The following DPH2 variants were observed in gnomAD, a reference collection of about 807,000 sequenced individuals.
DPH2 encodes diphthamide biosynthesis 2.
A neutral mutation model predicts 42.5 loss-of-function variants in DPH2; 28 were observed. That is an observed-to-expected ratio of 0.66 (90% confidence interval 0.49 to 0.90). The LOEUF (loss-of-function observed/expected upper bound fraction) is 0.90, where lower values mean the gene tolerates loss of function less well. Ranked by LOEUF, DPH2 falls within the 40% of genes least tolerant of loss-of-function variation. The pLI, the probability that DPH2 is intolerant of heterozygous loss-of-function variation, is 0.00. For synonymous variants in DPH2, 279 were observed against 264.4 expected, an observed-to-expected ratio of 1.06 and a Z score of -0.53; for missense variants, 576 against 636.0, an observed-to-expected ratio of 0.91 and a Z score of 1.01.
intron 1 of DPH2, 38 bp from the exon 2 acceptor site, chr1:43,970,558 A>T (rs1450479555): frequency 6.2e-7 from 1 of 1,605,280 alleles, no homozygotes; most frequent in Admixed American, 1.7e-5. Flanking sequence ...CCTCAGTGGG[A>T]GAGAGGCTGT....
Position 43,972,444 on chromosome 1 carries a change from G to C in DPH2, c.1375G>C (p.Gly459Arg). 6.2e-7 allele frequency: 1 copy of C among 1,614,250 alleles called. No individual in the cohort carries two copies. The highest frequency in any genetic ancestry group is 8.5e-7 in the Non-Finnish European group (1 of 1,180,040). The change falls in exon 6 of 6, where the codon GGG (glycine) becomes CGG (arginine). Residue 459 changes from glycine (G) to arginine (R), a missense_variant. Coordinates refer to ENST00000255108, the MANE Select transcript of DPH2 (RefSeq NM_001384.5). Reference protein sequence around the residue: ...ASFLSSRSWQGLEPRLGQTPV... With the variant: ...ASFLSSRSWQRLEPRLGQTPV... Reference sequence around the variant, plus strand: ...ATTCCTTAGTTCCCGGAGCTGGCAAGGGCTGGAGCCCCGCCTGGGTCAGAC... The same window carrying C: ...ATTCCTTAGTTCCCGGAGCTGGCAACGGCTGGAGCCCCGCCTGGGTCAGAC...
In DPH2 at chr1:43,971,645, C is replaced by T; in HGVS notation, c.743C>T (p.Ser248Phe). The change falls in exon 4 of 6, where the codon TCC (serine) becomes TTC (phenylalanine). Residue 248 changes from serine (S) to phenylalanine (F), a missense_variant. Physicochemically the swap from Ser to Phe is radical, Grantham distance 155. Around this residue, in one of 3 missense-constraint regions of DPH2, gnomAD observed 395 missense variants for 435.2 expected, o/e 0.91. Coordinates refer to ENST00000255108, the MANE Select transcript of DPH2 (RefSeq NM_001384.5). ...GGGTGGGCACCAGGTCAACCCTTCTCCTCCTGCTGTCCAGATACAGGGAAG... is the reference window on the plus strand; with the variant it reads ...GGGTGGGCACCAGGTCAACCCTTCTTCTCCTGCTGTCCAGATACAGGGAAG... ...LLGWAPGQPF[S>F]SCCPDTGKTQ... 1 of 1,614,194 alleles carries T rather than the reference C, an allele frequency of 6.2e-7. No individual in the cohort carries two copies. Among genetic ancestry groups the T allele is most frequent in the Non-Finnish European group, 8.5e-7 (1 of 1,180,026 alleles).
chr1:43,972,168 C>G lies in DPH2; in HGVS notation c.1179C>G (p.Phe393Leu). The stretch of plus-strand genomic sequence containing the variant: ...CCTCCTCCCTTTCAGGCTCTCCCTT[C>G]CACGTGGCTCTCCCACCACCTGAGT... ...HYADLLPGSP[F>L]HVALPPPESE... The change falls in exon 5 of 6, where the codon TTC becomes TTG. Residue 393 changes from phenylalanine to leucine, a missense_variant. By Grantham distance (22) the Phe-to-Leu change is conservative. Coordinates refer to ENST00000255108, the MANE Select transcript of DPH2 (RefSeq NM_001384.5). 1 of 1,613,720 alleles carries G rather than the reference C, an allele frequency of 6.2e-7. No individual in the cohort carries two copies. The highest frequency in any genetic ancestry group is 8.5e-7 in the Non-Finnish European group (1 of 1,179,730).
At position 43,970,192 on chromosome 1, in the gene DPH2, G is replaced by A. The variant is rs1025031384; in HGVS notation, c.17G>A (p.Ser6Asn). MESMF[S>N]SPAEAALQRE... ...CTGTGCCTCATGGAGTCGATGTTTA[G>A]CAGCCCTGCCGAGGCGGCGCTGCAG... The change falls in exon 1 of 6, where the codon AGC becomes AAC. Residue 6 changes from serine to asparagine, a missense_variant. By Grantham distance (46) the Ser-to-Asn change is conservative. Around this residue, in one of 3 missense-constraint regions of DPH2, gnomAD observed 395 missense variants for 435.2 expected, o/e 0.91. Coordinates refer to ENST00000255108, the MANE Select transcript of DPH2 (RefSeq NM_001384.5). 1.9e-6 allele frequency: 3 copies of A among 1,614,094 alleles called. No homozygotes were observed. The highest frequency in any genetic ancestry group is 2.5e-6 in the Non-Finnish European group (3 of 1,180,004).
At position 43,972,184 on chromosome 1, in the gene DPH2, C is replaced by A; in HGVS notation, c.1195C>A (p.Pro399Thr). The change falls in exon 5 of 6, where the codon CCA (proline) becomes ACA (threonine). Residue 399 changes from proline to threonine, a missense_variant. Around this residue, in one of 3 missense-constraint regions of DPH2, gnomAD observed 178 missense variants for 184.4 expected, o/e 0.97. Coordinates refer to ENST00000255108, the MANE Select transcript of DPH2 (RefSeq NM_001384.5). ...CTCTCCCTTCCACGTGGCTCTCCCA[C>A]CACCTGAGTCAGAGCTGTGGGAAAC... Reference protein sequence around the residue: ...PGSPFHVALPPPESELWETPD... With the variant: ...PGSPFHVALPTPESELWETPD... 6.2e-7 allele frequency: 1 copy of A among 1,614,082 alleles called. No individual in the cohort carries two copies. Among genetic ancestry groups the A allele is most frequent in the Non-Finnish European group, 8.5e-7 (1 of 1,179,942 alleles).
Position 43,971,515 on chromosome 1 carries a change from C to T in DPH2, c.613C>T (p.Leu205Phe), listed in dbSNP as rs756694549. ...PLERFGRRFP[L>F]APGRRLEEYG... ...AGAGCGTTTTGGGCGCCGCTTCCCC[C>T]TTGCCCCAGGGAGGCGTCTAGAAGA... is the stretch of plus-strand genomic sequence containing the variant. Residue 205 changes from leucine to phenylalanine, a missense_variant, in exon 4 of 6, where the codon CTT (leucine) becomes TTT (phenylalanine). By Grantham distance (22) the Leu-to-Phe change is conservative. Coordinates refer to ENST00000255108, the MANE Select transcript of DPH2 (RefSeq NM_001384.5). The T allele has an allele frequency of 7.4e-6, 12 of 1,614,242 alleles. No individual in the cohort carries two copies. The highest frequency in any genetic ancestry group is 3.3e-4 in the Middle Eastern group (2 of 6,062).
rs373651545 is a variant in DPH2 at position 43,972,118 on chromosome 1, CAG to C, written c.1169-39_1169-38del. Reference sequence around the variant, plus strand: ...AAGCTGGAAACCTGGGGCACGGAGTCAGGGGGTGAGTATGGATTTTCTTTCCT... The same window carrying C: ...AAGCTGGAAACCTGGGGCACGGAGTCGGGGTGAGTATGGATTTTCTTTCCT... On this transcript the variant is annotated intron_variant, in intron 4 of 5. Transcript: ENST00000255108. 3.2e-4 allele frequency: 513 copies of C among 1,610,208 alleles called. 3 individuals are homozygous for C. In the African/African-American group the frequency reaches 4.9e-3, roughly 15 times the overall value.
Position 43,972,264 on chromosome 1 carries a change from A to C in DPH2, c.1275A>C (p.Ser425=), listed in dbSNP as rs1397765429. ...TCCGACCCCCACCTGCCTGGAAGTCATCAAATGATCATGGAAGCTTGGCTC... is the reference window on the plus strand; with the variant it reads ...TCCGACCCCCACCTGCCTGGAAGTCCTCAAATGATCATGGAAGCTTGGCTC... ...GDLRPPPAWK[S]SNDHGSLALT... is the part of the protein sequence containing the mutation. The change falls in exon 5 of 6, where the codon TCA becomes TCC. Residue 425 remains serine (S), a synonymous_variant. Transcript: ENST00000255108. 3 of 1,614,244 alleles carry C rather than the reference A, an allele frequency of 1.9e-6. No individual in the cohort carries two copies. Among genetic ancestry groups the C allele is most frequent in the Non-Finnish European group, 2.5e-6 (3 of 1,180,042 alleles).
chr1:43,971,933 G>C lies in DPH2; in HGVS notation c.1031G>C (p.Gly344Ala). The change falls in exon 4 of 6, where the codon GGT (glycine) becomes GCT (alanine). Residue 344 changes from glycine to alanine, a missense_variant. Coordinates refer to ENST00000255108, the MANE Select transcript of DPH2 (RefSeq NM_001384.5). ...DVFVLLACPLGALAPQLSGSF... is the reference protein window; with the variant it reads ...DVFVLLACPLAALAPQLSGSF... Reference sequence around the variant, plus strand: ...TTTGTGCTATTAGCCTGTCCTCTGGGTGCTCTAGCCCCCCAGCTTTCTGGT... The same window carrying C: ...TTTGTGCTATTAGCCTGTCCTCTGGCTGCTCTAGCCCCCCAGCTTTCTGGT... 1 of 1,614,224 alleles carries C rather than the reference G, an allele frequency of 6.2e-7. No homozygotes were observed. Among genetic ancestry groups the C allele is most frequent in the Non-Finnish European group, 8.5e-7 (1 of 1,180,042 alleles).
In DPH2 at chr1:43,971,207, TG is replaced by T; in HGVS notation, c.484+19del. The T allele has an allele frequency of 6.5e-7, 1 of 1,548,448 alleles. No homozygotes were observed. The highest frequency in any genetic ancestry group is 1.2e-5 in the South Asian group (1 of 84,436). ...TGCCCTGGGTAAGGGGTTTTGCCTG[TG>T]TATGCACAAAGGGTGAGCCAACTGC... On this transcript the variant is annotated intron_variant, in intron 3 of 5. Transcript: ENST00000255108.
In DPH2 at chr1:43,971,426, T is replaced by G; in HGVS notation, c.524T>G (p.Leu175Arg). The change falls in exon 4 of 6, where the codon CTG becomes CGG. Residue 175 changes from leucine to arginine, a missense_variant. By Grantham distance (102) the Leu-to-Arg change is moderately radical. Transcript: ENST00000255108. ...CTCCTGCGCCCACGGTACCTGGACC[T>G]GCTAGTCTCCAGCCCAGCTTTTCCC... ...ATLLRPRYLD[L>R]LVSSPAFPQP... is the part of the protein sequence containing the mutation. 4 of 1,608,192 alleles carry G rather than the reference T, an allele frequency of 2.5e-6. No individual in the cohort carries two copies. Among genetic ancestry groups the G allele is most frequent in the Non-Finnish European group, 3.4e-6 (4 of 1,175,874 alleles).
chr1:43,972,028 G>C lies in DPH2; in HGVS notation c.1126G>C (p.Gly376Arg). ...CTGCAACCCTGCCTGGCCACCTCCA[G>C]GCCTGGCTCCCCACCTCACACATTA... is the stretch of plus-strand genomic sequence containing the variant. Reference protein sequence around the residue: ...AACNPAWPPPGLAPHLTHYAD... With the variant: ...AACNPAWPPPRLAPHLTHYAD... The change falls in exon 4 of 6, where the codon GGC (glycine) becomes CGC (arginine). Residue 376 changes from glycine to arginine, a missense_variant. Physicochemically the swap from Gly to Arg is moderately radical, Grantham distance 125. Coordinates refer to ENST00000255108, the MANE Select transcript of DPH2 (RefSeq NM_001384.5). 1 of 1,614,126 alleles carries C rather than the reference G, an allele frequency of 6.2e-7. No homozygotes were observed. The highest frequency in any genetic ancestry group is 8.5e-7 in the Non-Finnish European group (1 of 1,180,002).
chr1:43,971,751 G>A lies in DPH2; in HGVS notation c.849G>A (p.Val283=), dbSNP rs781060703. The change falls in exon 4 of 6, where the codon GTG becomes GTA. Residue 283 remains valine, a synonymous_variant. Coordinates refer to ENST00000255108, the MANE Select transcript of DPH2 (RefSeq NM_001384.5). ...YLVERARDAR[V]VGLLAGTLGV... ...TAGAGAGGGCCAGAGATGCCCGCGT[G>A]GTAGGGCTGCTGGCAGGCACACTGG... 9 of 1,610,078 alleles carry A rather than the reference G, an allele frequency of 5.6e-6. No individual in the cohort carries two copies. The highest frequency in any genetic ancestry group is 2.7e-5 in the African/African-American group (2 of 74,938).
chr1:43,972,555 G>C lies in DPH2; in HGVS notation c.*16G>C, dbSNP rs2085458368. 6.2e-7 allele frequency: 1 copy of C among 1,614,066 alleles called. No individual in the cohort carries two copies. Among genetic ancestry groups the C allele is most frequent in the Non-Finnish European group, 8.5e-7 (1 of 1,179,978 alleles). On this transcript the variant is annotated 3_prime_UTR_variant, in exon 6 of 6. Coordinates refer to ENST00000255108, the MANE Select transcript of DPH2 (RefSeq NM_001384.5). ...AAGCGGCTGATACCATGTGGGGCTGGAGACATAGATGGACTTATGAATGGC... is the reference window on the plus strand; with the variant it reads ...AAGCGGCTGATACCATGTGGGGCTGCAGACATAGATGGACTTATGAATGGC...
intron 4 of DPH2, 30 bp from the exon 5 acceptor site, chr1:43,972,128 G>A (rs749742755): frequency 6.2e-7 from 1 of 1,611,020 alleles, no homozygotes; most frequent in Non-Finnish European, 8.5e-7. Flanking sequence ...CAGGGGGTGA[G>A]TATGGATTTT....
At position 43,972,571 on chromosome 1, in the gene DPH2, T is replaced by TA. The variant is rs772923626; in HGVS notation, c.*33dup. ...GTGGGGCTGGAGACATAGATGGACT[T>TA]ATGAATGGCTGCTAGGACCTTTAGT... On this transcript the variant is annotated 3_prime_UTR_variant, in exon 6 of 6. Transcript: ENST00000255108. 4 of 1,613,410 alleles carry TA rather than the reference T, an allele frequency of 2.5e-6. No individual in the cohort carries two copies. The highest frequency in any genetic ancestry group is 3.4e-6 in the Non-Finnish European group (4 of 1,179,568).
rs2085457364 is a variant in DPH2, at chr1:43,972,523, A to T, written c.1454A>T (p.Asp485Val). 1.2e-6 allele frequency: 2 copies of T among 1,614,106 alleles called. No individual in the cohort carries two copies. The highest frequency in any genetic ancestry group is 2.2e-5 in the East Asian group (1 of 44,900). ...GRRGIAIAYE[D>V]EGSG is the part of the protein sequence containing the mutation. Reference sequence around the variant, plus strand: ...CGAGGGATTGCCATCGCCTATGAGGATGAGGGAAGCGGCTGATACCATGTG... The same window carrying T: ...CGAGGGATTGCCATCGCCTATGAGGTTGAGGGAAGCGGCTGATACCATGTG... The change falls in exon 6 of 6, where the codon GAT (aspartate) becomes GTT (valine). Residue 485 changes from aspartate to valine, a missense_variant. This residue lies in a region of DPH2 where 178 missense variants were observed against 184.4 expected (regional missense o/e 0.97). Coordinates refer to ENST00000255108, the MANE Select transcript of DPH2 (RefSeq NM_001384.5).
At position 43,971,743 on chromosome 1, in the gene DPH2, GC is replaced by G. The variant is rs1557642000; in HGVS notation, c.844del (p.Arg282AlafsTer3). ...ATATCTGGTAGAGAGGGCCAGAGAT[GC>G]CCGCGTGGTAGGGCTGCTGGCAGGC... Reference protein sequence around the residue: ...RRYLVERARDARVVGLLAGTL... With the variant: ...RRYLVERARDXRVVGLLAGTL... On this transcript the variant is annotated frameshift_variant, in exon 4 of 6. Transcript: ENST00000255108. LOFTEE classifies it high-confidence loss of function. 3 of 1,610,416 alleles carry G rather than the reference GC, an allele frequency of 1.9e-6. No homozygotes were observed. The highest frequency in any genetic ancestry group is 2.7e-5 in the African/African-American group (2 of 75,066).
In DPH2 at chr1:43,970,486, C is replaced by T. The variant is rs777034244; in HGVS notation, c.148-110C>T. On this transcript the variant is annotated intron_variant, in intron 1 of 5. Coordinates refer to ENST00000255108, the MANE Select transcript of DPH2 (RefSeq NM_001384.5). ...CACCTACTACGTGGGGCAGAGTGCC[C>T]CTCTGGGACCAGGGGCTTTGAAGGT... The T allele has an allele frequency of 6.6e-6, 10 of 1,523,086 alleles. No individual in the cohort carries two copies. The South Asian group carries it at 9.3e-5, about 14-fold the overall frequency. The allele number at this position is 1,523,086 out of a possible 1,614,324, so 94.3% of individuals were successfully genotyped here. A position where few individuals can be genotyped will look rare whatever the true frequency, so the allele number is the denominator to read the frequency against.
Sources: allele counts gnomAD v4.1 joint callset, GRCh38; gene constraint gnomAD v4.1.1; regional missense constraint gnomAD v4.1.1; transcripts MANE v1.5; gene names NCBI Gene and HGNC (gene_info 2026-07-23, HGNC 2026-07-21).